Variants in ERAP1 observed in about 807,000 individuals in gnomAD.
The protein encoded by ERAP1 is endoplasmic reticulum aminopeptidase 1.
ERAP1 carries 86 observed loss-of-function variants against 103.7 expected under a neutral mutation model. The observed-to-expected ratio is 0.83, with a 90% CI of 0.70 to 0.99. The LOEUF is 0.99. Among genes scored for constraint, ERAP1 ranks in the 50% least tolerant of loss-of-function variants. The pLI is 0.00. For missense variants in ERAP1, 1,009 were observed against 1,128.4 expected (o/e 0.89, Z 1.52); for synonymous variants, 398 against 402.4 (o/e 0.99, Z 0.13).
the ERAP1 span, among the ~76,000 whole-genome samples, chr5:96,836,023 A>G: frequency 3.9e-5 from 6 of 152,318 alleles, no homozygotes; most frequent in South Asian, 2.1e-4. Context: ...ACTTCTCTCC[A>G]TGGTTAATAC....
the ERAP1 span, chr5:96,902,309 G>A: frequency 6.2e-7 from 1 of 1,612,572 alleles, no homozygotes; most frequent in Non-Finnish European, 8.5e-7. Flanking sequence ...TACTCCACGA[G>A]TTCTTCTAAT....
the ERAP1 span, among the ~76,000 whole-genome samples, chr5:96,920,489 G>A: frequency 1.3e-5 from 2 of 152,136 alleles, no homozygotes; most frequent in Non-Finnish European, 2.9e-5. Context: ...GGGGTTTTTG[G>A]TCTTTTAAAT....
chr5:96,775,018 A>C lies in ERAP1; in HGVS notation c.*1378T>G. 1 of 985,468 alleles carries C rather than the reference A, an allele frequency of 1.0e-6. No individual in the cohort carries two copies. Among genetic ancestry groups the C allele is most frequent in the Non-Finnish European group, 1.2e-6 (1 of 829,890 alleles). The allele number at this position is 985,468 out of a possible 1,614,324, so 61.0% of individuals were successfully genotyped here. A position where few individuals can be genotyped will look rare whatever the true frequency, so the allele number is the denominator to read the frequency against. On this transcript the variant is annotated 3_prime_UTR_variant, in exon 19 of 19. Coordinates refer to ENST00000443439, the MANE Select transcript of ERAP1 (RefSeq NM_001040458.3). The stretch of plus-strand genomic sequence containing the variant: ...CCAGGTGTGAGGATTTCCGCACCTT[A>C]GAGTCAGCGCAAAACACGCTGCAAC...
exon 20 of ERAP1, chr5:96,763,192 A>G (rs748763256): frequency 1.3e-6 from 1 of 780,722 alleles, no homozygotes. Context: ...TGAGATTCTG[A>G]TGGATTTTCA....
rs532641871 is a variant in ERAP1 at position 96,787,364 on chromosome 5, C to A, written c.1680-815G>T. Reference sequence around the variant, plus strand: ...CACTGCAACCTCCACCTCCTGGGTACAAGCGATTCTCCTGCCTCACCCTCC... The same window carrying A: ...CACTGCAACCTCCACCTCCTGGGTAAAAGCGATTCTCCTGCCTCACCCTCC... On this transcript the variant is annotated intron_variant, in intron 11 of 18. Transcript: ENST00000443439. Among the ~76,000 whole-genome samples the A allele has an allele frequency of 7.4e-4, 113 of 152,242 alleles. 2 individuals are homozygous for A. In the South Asian group the frequency reaches 1.0e-2, roughly 13 times the overall value.
At chr5:96,900,318 C>G in the ERAP1 span, 1 of 1,380,104 alleles carries the variant, frequency 7.2e-7, no homozygotes, top group Non-Finnish European at 9.6e-7. Context: ...CCACGATTTT[C>G]TCTAAAACAA....
chr5:96,919,731 C>T, the ERAP1 span: 1 of 152,204 alleles, frequency 6.6e-6, no homozygotes, highest in Non-Finnish European at 1.5e-5. Context: ...TGTAGTATTT[C>T]AAAAGCCTTG....
chr5:96,791,286 T>G (rs1776705093), intron 8 of ERAP1, among the ~76,000 whole-genome samples: 1 of 152,102 alleles, frequency 6.6e-6, no homozygotes, highest in African/African-American at 2.4e-5. Context: ...ACAGGGCATA[T>G]AAATAAGGGA....
At chr5:96,875,369 TA>T in the ERAP1 span, among the ~76,000 whole-genome samples, 40 of 147,266 alleles carry the variant, frequency 2.7e-4, no homozygotes, top group African/African-American at 7.0e-4. Flanking sequence ...ACCTCATCTA[TA>T]AAAAAAAAAT....
rs1026537719 is a variant in ERAP1 at position 96,788,519 on chromosome 5, T to C, written c.1679+12A>G. On this transcript the variant is annotated intron_variant, in intron 11 of 18. Coordinates refer to ENST00000443439, the MANE Select transcript of ERAP1 (RefSeq NM_001040458.3). Reference sequence around the variant, plus strand: ...CTAGACAACAAAACAAATTTTACTCTAGGAGCATTACCCAGTGTCCGGGGC... The same window carrying C: ...CTAGACAACAAAACAAATTTTACTCCAGGAGCATTACCCAGTGTCCGGGGC... The C allele has an allele frequency of 2.5e-6, 4 of 1,614,000 alleles. No homozygotes were observed. The highest frequency in any genetic ancestry group is 3.4e-6 in the Non-Finnish European group (4 of 1,180,016).
At chr5:96,877,005 C>T in the ERAP1 span, among the ~76,000 whole-genome samples, 115 of 152,256 alleles carry the variant, frequency 7.6e-4, 5 homozygotes, top group South Asian at 0.023. Flanking sequence ...GAGAGAGCCT[C>T]GCTCTGTCGC....
chr5:96,823,201 C>T, the ERAP1 span: 3 of 447,798 alleles, frequency 6.7e-6, no homozygotes, highest in Admixed American at 2.4e-5. Flanking sequence ...TATAATCATA[C>T]ACATCCTGTC....
chr5:96,909,802 TC>T, the ERAP1 span: 372 of 1,596,022 alleles, frequency 2.3e-4, no homozygotes, highest in Non-Finnish European at 3.0e-4. Flanking sequence ...TGTTCTTTTC[TC>T]TTTGATGTAA....
chr5:96,815,407 G>GT, the ERAP1 span, among the ~76,000 whole-genome samples: 20,419 of 102,406 alleles, frequency 0.2, 1,585 homozygotes, highest in Non-Finnish European at 0.27. Flanking sequence ...TGTTTGTTTT[G>GT]TTTTTTATTT....
At chr5:96,916,537 C>T in the ERAP1 span, among the ~76,000 whole-genome samples, 2 of 142,166 alleles carry the variant, frequency 1.4e-5, no homozygotes, top group African/African-American at 5.3e-5. Flanking sequence ...GATCTCGGCT[C>T]ACTGCAAGCT....
chr5:96,816,776 C>G, the ERAP1 span, among the ~76,000 whole-genome samples: 2 of 152,172 alleles, frequency 1.3e-5, no homozygotes, highest in African/African-American at 4.8e-5. Flanking sequence ...AACACAGACA[C>G]CTTACTGGCA....
the ERAP1 span, chr5:96,934,687 G>C: frequency 1.3e-5 from 2 of 152,284 alleles, no homozygotes; most frequent in Non-Finnish European, 2.9e-5. Flanking sequence ...CAATTCCAGT[G>C]CTGGTCAAAC....
chr5:96,828,893 C>T, the ERAP1 span, among the ~76,000 whole-genome samples: 19 of 152,254 alleles, frequency 1.2e-4, no homozygotes, highest in Admixed American at 7.8e-4. Flanking sequence ...TGTCACCAGG[C>T]TGGAGTGCAG....
intron 18 of ERAP1, chr5:96,777,060 A>G (rs892660828): frequency 2.6e-5 from 4 of 153,144 alleles, no homozygotes; most frequent in African/African-American, 9.7e-5. Context: ...AAACCTTGCC[A>G]TTTTTTTTAT....
Sources: gnomAD v4.1 joint callset for allele counts (sites outside exome capture counted in the v4.1 genomes callset) on GRCh38, gnomAD v4.1.1 for gene constraint, MANE v1.5 for transcripts, NCBI Gene and HGNC (gene_info 2026-07-23, HGNC 2026-07-21) for gene names.